The following ARB2A variants were observed in gnomAD, a reference collection of about 807,000 sequenced individuals.
ARB2A encodes the protein ARB2 cotranscriptional regulator A, also known as cotranscriptional regulator ARB2A.
the ARB2A span, among the ~76,000 whole-genome samples, chr5:93,814,210 T>C: frequency 6.6e-6 from 1 of 152,228 alleles, no homozygotes; most frequent in Non-Finnish European, 1.5e-5. Context: ...AATTCATTTA[T>C]AAATAAATCT....
chr5:93,793,311 T>C, the ARB2A span, among the ~76,000 whole-genome samples: 1 of 147,400 alleles, frequency 6.8e-6, no homozygotes, highest in African/African-American at 2.5e-5. Flanking sequence ...CTTGAACTCC[T>C]GGCCTCAGGC....
chr5:93,865,409 T>A, the ARB2A span: 27 of 985,364 alleles, frequency 2.7e-5, no homozygotes, highest in East Asian at 2.5e-3. Flanking sequence ...TGAGTAGAAA[T>A]TACATGCTTT....
At chr5:93,833,763 A>G in the ARB2A span, among the ~76,000 whole-genome samples, 2 of 152,214 alleles carry the variant, frequency 1.3e-5, no homozygotes, top group African/African-American at 4.8e-5. Context: ...CCACTTAGTA[A>G]TTACTGATGT....
chr5:93,779,129 G>A, the ARB2A span, among the ~76,000 whole-genome samples: 186 of 137,952 alleles, frequency 1.3e-3, no homozygotes, highest in Middle Eastern at 8.0e-3. Flanking sequence ...GTGTGTGCGC[G>A]CGCGCGCGCA....
the ARB2A span, among the ~76,000 whole-genome samples, chr5:93,899,604 G>A: frequency 2.6e-5 from 4 of 152,086 alleles, no homozygotes; most frequent in African/African-American, 4.8e-5. Flanking sequence ...GGAGTCTCCC[G>A]ATCAACTTTA....
chr5:93,673,550 A>G, the ARB2A span, among the ~76,000 whole-genome samples: 1 of 152,236 alleles, frequency 6.6e-6, no homozygotes, highest in Non-Finnish European at 1.5e-5. Context: ...CACTTCGTTT[A>G]AAGAATGTAT....
At chr5:93,815,798 A>G in the ARB2A span, among the ~76,000 whole-genome samples, 1 of 152,250 alleles carries the variant, frequency 6.6e-6, no homozygotes, top group African/African-American at 2.4e-5. Flanking sequence ...TTGCTCGGTC[A>G]TTACCCATTG....
At chr5:94,077,766 A>C in the ARB2A span, among the ~76,000 whole-genome samples, 2 of 152,222 alleles carry the variant, frequency 1.3e-5, no homozygotes, top group African/African-American at 4.8e-5. Context: ...GTGAATTGGG[A>C]CACAGTTGAC....
chr5:94,105,994 A>G, the ARB2A span, among the ~76,000 whole-genome samples: 1 of 152,156 alleles, frequency 6.6e-6, no homozygotes, highest in African/African-American at 2.4e-5. Flanking sequence ...AAGATGGATT[A>G]AAGACTTACA....
the ARB2A span, among the ~76,000 whole-genome samples, chr5:93,625,522 T>C: frequency 6.6e-6 from 1 of 152,196 alleles, no homozygotes; most frequent in Non-Finnish European, 1.5e-5. Context: ...GTCAATGATG[T>C]TATTCATTGT....
At chr5:93,705,609 A>ATGTGTGTGTG in the ARB2A span, among the ~76,000 whole-genome samples, 1,140 of 128,580 alleles carry the variant, frequency 8.9e-3, 8 homozygotes, top group Middle Eastern at 0.02. Context: ...TTGGGAAAAA[A>ATGTGTGTGTG]TGTGTGTGTG....
At chr5:93,730,538 A>T in the ARB2A span, among the ~76,000 whole-genome samples, 1 of 151,964 alleles carries the variant, frequency 6.6e-6, no homozygotes, top group Non-Finnish European at 1.5e-5. Context: ...AAAAAACTTA[A>T]GAGTCTACTT....
the ARB2A span, among the ~76,000 whole-genome samples, chr5:93,702,261 CA>C: frequency 1.3e-5 from 2 of 152,102 alleles, no homozygotes; most frequent in African/African-American, 4.8e-5. Context: ...GATCACCTAG[CA>C]ATGCTCTCAT....
At chr5:93,958,782 C>T in the ARB2A span, 1 of 1,510,824 alleles carries the variant, frequency 6.6e-7, no homozygotes, top group South Asian at 1.5e-5. Flanking sequence ...CTTACAGCCA[C>T]AGCTCTTTTA....
At chr5:93,745,810 G>A in the ARB2A span, among the ~76,000 whole-genome samples, 1 of 151,982 alleles carries the variant, frequency 6.6e-6, no homozygotes, top group South Asian at 2.1e-4. Context: ...CTCTGCAGAT[G>A]TCCTAGTAAG....
chr5:94,034,665 T>C, the ARB2A span, among the ~76,000 whole-genome samples: 1 of 152,346 alleles, frequency 6.6e-6, no homozygotes, highest in Admixed American at 6.5e-5. Context: ...AGAAGCACTT[T>C]CTAGTTGGTT....
the ARB2A span, chr5:94,050,836 G>T: frequency 6.3e-7 from 1 of 1,585,938 alleles, no homozygotes; most frequent in Non-Finnish European, 8.6e-7. Context: ...GTCCCTCTAA[G>T]AAGATAAACA....
At chr5:93,777,576 CCAGA>C in the ARB2A span, among the ~76,000 whole-genome samples, 2 of 148,202 alleles carry the variant, frequency 1.3e-5, no homozygotes, top group Admixed American at 1.3e-4. Context: ...CAATGAATTT[CCAGA>C]CAGATTTTTT....
At chr5:93,820,841 A>G in the ARB2A span, among the ~76,000 whole-genome samples, 1 of 152,186 alleles carries the variant, frequency 6.6e-6, no homozygotes, top group Non-Finnish European at 1.5e-5. Context: ...AGGAACACAG[A>G]GAGTTCAGAG....
Sources: gnomAD v4.1 joint callset for allele counts (sites outside exome capture counted in the v4.1 genomes callset) on GRCh38, gnomAD v4.1.1 for gene constraint, MANE v1.5 for transcripts, NCBI Gene and HGNC (gene_info 2026-07-23, HGNC 2026-07-21) for gene names.